XPR1: variants seen among roughly 807,000 people sequenced by gnomAD.
The protein encoded by XPR1 is xenotropic and polytropic retrovirus receptor 1, also known as solute carrier family 53 member 1.
In XPR1, 28 loss-of-function variants were observed where a neutral mutation model predicts 87.5. The ratio of observed to expected loss-of-function variants is 0.32; its 90% CI spans 0.24 to 0.44. XPR1 has a LOEUF of 0.44. Ranked by LOEUF, XPR1 falls within the 20% of genes least tolerant of loss-of-function variation. The pLI is 1.00. For synonymous variants in XPR1, 300 were observed against 306.1 expected (o/e 0.98, Z 0.21); for missense variants, 559 against 862.3 (o/e 0.65, Z 4.41).
chr1:180,729,173 A>T (rs919608152), intron 2 of XPR1, among the ~76,000 whole-genome samples: 3 of 152,184 alleles, frequency 2.0e-5, no homozygotes, highest in African/African-American at 7.2e-5. Flanking sequence ...ACATGATCTC[A>T]TTACTTTTCA....
At chr1:180,746,915 G>A (rs1260670406) in intron 2 of XPR1, among the ~76,000 whole-genome samples, 12 of 152,076 alleles carry the variant, frequency 7.9e-5, no homozygotes, top group South Asian at 2.1e-4. Context: ...TATAAAATGC[G>A]CATCTACCTA....
intron 2 of XPR1, among the ~76,000 whole-genome samples, chr1:180,783,629 CAAT>C (rs1461088235): frequency 6.6e-6 from 1 of 151,880 alleles, no homozygotes; most frequent in Non-Finnish European, 1.5e-5. Context: ...TTTTCCTCAA[CAAT>C]GTTTCTTGAT....
At chr1:180,785,745 A>G (rs1306812355) in intron 2 of XPR1, among the ~76,000 whole-genome samples, 1 of 151,960 alleles carries the variant, frequency 6.6e-6, no homozygotes, top group Non-Finnish European at 1.5e-5. Context: ...GTCTGTTAAG[A>G]GGAAAACACA....
intron 2 of XPR1, among the ~76,000 whole-genome samples, chr1:180,776,748 A>T (rs1267589062): frequency 6.6e-6 from 1 of 152,104 alleles, no homozygotes; most frequent in Non-Finnish European, 1.5e-5. Flanking sequence ...TTCTTTACCT[A>T]GCAGACATTA....
At chr1:180,704,278 T>TATATATATATAAA in intron 2 of XPR1, among the ~76,000 whole-genome samples, 1 of 31,926 alleles carries the variant, frequency 3.1e-5, no homozygotes, top group South Asian at 1.0e-3. Flanking sequence ...ATATATATAT[T>TATATATATATAAA]ATCAGATTAT....
At chr1:180,798,758 CG>C (rs1186928255) in intron 3 of XPR1, among the ~76,000 whole-genome samples, 3 of 152,050 alleles carry the variant, frequency 2.0e-5, no homozygotes, top group Admixed American at 1.3e-4. Context: ...GAATCACAGG[CG>C]TGCAGCACCA....
At chr1:180,650,228 C>T (rs1571678413) in intron 1 of XPR1, among the ~76,000 whole-genome samples, 1 of 151,992 alleles carries the variant, frequency 6.6e-6, no homozygotes. Flanking sequence ...TTACCGCCGT[C>T]CCCCCAACTT....
At chr1:180,740,702 C>T (rs1280042577) in intron 2 of XPR1, among the ~76,000 whole-genome samples, 1 of 152,184 alleles carries the variant, frequency 6.6e-6, no homozygotes, top group Non-Finnish European at 1.5e-5. Flanking sequence ...TCTCCCATCT[C>T]AGTCCTTTTG....
intron 3 of XPR1, among the ~76,000 whole-genome samples, chr1:180,796,758 C>T (rs1649587162): frequency 6.6e-6 from 1 of 152,136 alleles, no homozygotes; most frequent in South Asian, 2.1e-4. Context: ...AATCGCTTCT[C>T]GGCCTTTTGG....
chr1:180,756,295 ACTTGTCAT>A (rs548792440), intron 2 of XPR1, among the ~76,000 whole-genome samples: 1 of 152,230 alleles, frequency 6.6e-6, no homozygotes, highest in Non-Finnish European at 1.5e-5. Context: ...AGATTGCCAC[ACTTGTCAT>A]TTTCTAAGTT....
chr1:180,885,688 C>A lies in XPR1; in HGVS notation c.*1622C>A, dbSNP rs142270966. On this transcript the variant is annotated 3_prime_UTR_variant, in exon 15 of 15. Transcript: ENST00000367590. ...CAGATTCATGAAAGTAAATTTAGTC[C>A]TATAATTTTCAGCTTAATTATAAAC... is the stretch of plus-strand genomic sequence containing the variant. The A allele has an allele frequency of 6.6e-6, 1 of 152,096 alleles. No individual in the cohort carries two copies. The highest frequency in any genetic ancestry group is 1.5e-5 in the Non-Finnish European group (1 of 68,016). The allele number at this position is 152,096 out of a possible 1,614,324, so 9.4% of individuals were successfully genotyped here. A position where few individuals can be genotyped will look rare whatever the true frequency, so the allele number is the denominator to read the frequency against.
At chr1:180,636,111 C>T (rs538388370) in intron 1 of XPR1, among the ~76,000 whole-genome samples, 5 of 152,162 alleles carry the variant, frequency 3.3e-5, no homozygotes, top group Non-Finnish European at 7.4e-5. Flanking sequence ...AACTACACTT[C>T]CATTATATTC....
chr1:180,815,983 T>C (rs1431383841), intron 7 of XPR1, among the ~76,000 whole-genome samples: 1 of 152,210 alleles, frequency 6.6e-6, no homozygotes, highest in African/African-American at 2.4e-5. Context: ...ATTTTGTTTA[T>C]AGTAGAAAAA....
intron 11 of XPR1, among the ~76,000 whole-genome samples, chr1:180,837,172 T>C (rs1651322912): frequency 6.6e-6 from 1 of 152,228 alleles, no homozygotes; most frequent in Non-Finnish European, 1.5e-5. Flanking sequence ...ATTCCTCTAG[T>C]TTCTCATCTC....
At chr1:180,672,237 T>A (rs180691618) in intron 1 of XPR1, among the ~76,000 whole-genome samples, 2 of 152,318 alleles carry the variant, frequency 1.3e-5, no homozygotes, top group African/African-American at 4.8e-5. Context: ...AATAAAACTT[T>A]AGTGTTGTAA....
intron 2 of XPR1, among the ~76,000 whole-genome samples, chr1:180,746,586 T>G (rs73034894): frequency 0.043 from 6,498 of 151,486 alleles, 494 homozygotes; most frequent in African/African-American, 0.15. Flanking sequence ...TGTATAGGGG[T>G]TTTTTTTTGA....
At chr1:180,740,623 T>G (rs11487433) in intron 2 of XPR1, among the ~76,000 whole-genome samples, 6,531 of 152,274 alleles carry the variant, frequency 0.043, 504 homozygotes, top group African/African-American at 0.15. Flanking sequence ...AGTTTCCTTT[T>G]TGTTCTGTCT....
chr1:180,690,584 A>G (rs534097152), intron 2 of XPR1, among the ~76,000 whole-genome samples: 3 of 151,932 alleles, frequency 2.0e-5, no homozygotes, highest in Non-Finnish European at 2.9e-5. Flanking sequence ...TCTTTACCTA[A>G]ATCAGGCCAA....
intron 11 of XPR1, among the ~76,000 whole-genome samples, chr1:180,860,566 TTA>T (rs1277513664): frequency 6.6e-6 from 1 of 152,132 alleles, no homozygotes; most frequent in Admixed American, 6.6e-5. Flanking sequence ...GGATAAATCT[TTA>T]ATATATTATG....
Sources: gnomAD v4.1 joint callset for allele counts (sites outside exome capture counted in the v4.1 genomes callset) on GRCh38, gnomAD v4.1.1 for gene constraint, MANE v1.5 for transcripts, NCBI Gene and HGNC (gene_info 2026-07-23, HGNC 2026-07-21) for gene names.